Variants in CA10 observed in about 807,000 individuals in gnomAD.
The protein encoded by CA10 is carbonic anhydrase-related protein 10.
Under a neutral mutation model 44.2 loss-of-function variants are expected in CA10, and 14 were observed. The observed-to-expected ratio is 0.32, with a 90% CI of 0.21 to 0.50. The LOEUF is 0.50. Among genes scored for constraint, CA10 ranks in the 20% least tolerant of loss-of-function variants. CA10 has a pLI of 0.99. For missense variants in CA10, 350 were observed against 409.7 expected (o/e 0.85, Z 1.26); for synonymous variants, 159 against 141.6 (o/e 1.12, Z -0.87).
At chr17:51,740,287 C>G (rs959785363) in intron 4 of CA10, among the ~76,000 whole-genome samples, 3 of 152,144 alleles carry the variant, frequency 2.0e-5, no homozygotes, top group African/African-American at 7.2e-5. Context: ...AAGACAGGAT[C>G]CTCTACTATA....
chr17:51,912,402 A>G (rs1434413325), intron 3 of CA10, among the ~76,000 whole-genome samples: 1 of 152,182 alleles, frequency 6.6e-6, no homozygotes, highest in Non-Finnish European at 1.5e-5. Flanking sequence ...GTCCAAGTGC[A>G]TTCCTTGTTT....
intron 3 of CA10, among the ~76,000 whole-genome samples, chr17:51,759,834 G>C (rs766634184): frequency 6.6e-6 from 1 of 152,046 alleles, no homozygotes. Context: ...CTCCCTTCGT[G>C]CCTTAAGGAA....
chr17:51,749,693 C>T (rs368277475), intron 3 of CA10, among the ~76,000 whole-genome samples: 7 of 152,304 alleles, frequency 4.6e-5, no homozygotes, highest in Admixed American at 2.0e-4. Flanking sequence ...AGAAACTCTC[C>T]GTTGAGTTCC....
chr17:52,023,072 T>G lies in CA10; in HGVS notation c.136+49247A>C, dbSNP rs118123014. Reference sequence around the variant, plus strand: ...AGATTTGATGTTATTCCTTGCAAACTGCCAATGTCTTTTTTCACAGAATTG... The same window carrying G: ...AGATTTGATGTTATTCCTTGCAAACGGCCAATGTCTTTTTTCACAGAATTG... On this transcript the variant is annotated intron_variant, in intron 2 of 8. Coordinates refer to ENST00000451037, the MANE Select transcript of CA10 (RefSeq NM_020178.5). 3.9e-4 allele frequency among the ~76,000 whole-genome samples: 59 copies of G among 152,260 alleles called. No individual in the cohort carries two copies. In the East Asian group the frequency reaches 9.5e-3, roughly 24 times the overall value.
At chr17:51,757,988 G>A (rs1018392356) in intron 3 of CA10, among the ~76,000 whole-genome samples, 1 of 152,158 alleles carries the variant, frequency 6.6e-6, no homozygotes, top group Admixed American at 6.5e-5. Flanking sequence ...CCAGACTGGA[G>A]CGATCTGCTT....
intron 1 of CA10, among the ~76,000 whole-genome samples, chr17:52,143,490 T>C (rs1224360730): frequency 6.6e-6 from 1 of 152,192 alleles, no homozygotes; most frequent in South Asian, 2.1e-4. Flanking sequence ...TTTTAAAATA[T>C]AATCATGTGA....
At chr17:51,748,417 C>T (rs182495758) in intron 3 of CA10, 1 of 934,544 alleles carries the variant, frequency 1.1e-6, no homozygotes, top group Non-Finnish European at 1.3e-6. Context: ...TCATAGATTC[C>T]TAGACTTACT....
intron 4 of CA10, among the ~76,000 whole-genome samples, chr17:51,721,273 G>A (rs902469792): frequency 6.6e-6 from 1 of 152,070 alleles, no homozygotes; most frequent in Non-Finnish European, 1.5e-5. Context: ...TGGAGGTTGC[G>A]GTGAACTGAG....
chr17:51,637,597 C>A (rs1912888248), intron 6 of CA10, among the ~76,000 whole-genome samples: 1 of 152,198 alleles, frequency 6.6e-6, no homozygotes, highest in Admixed American at 6.5e-5. Context: ...GTTGAGGGAA[C>A]CTCTTCAGTT....
chr17:51,846,417 A>G (rs1433727177), intron 3 of CA10, among the ~76,000 whole-genome samples: 1 of 152,234 alleles, frequency 6.6e-6, no homozygotes, highest in Non-Finnish European at 1.5e-5. Flanking sequence ...GCCTATGGTC[A>G]GAAATGCCAG....
At chr17:52,104,716 A>G (rs1433609493) in intron 1 of CA10, among the ~76,000 whole-genome samples, 1 of 152,154 alleles carries the variant, frequency 6.6e-6, no homozygotes, top group African/African-American at 2.4e-5. Flanking sequence ...CACTGAGGGT[A>G]CTGACTTAAA....
chr17:51,831,340 T>A (rs1019125323), intron 3 of CA10, among the ~76,000 whole-genome samples: 54 of 152,226 alleles, frequency 3.5e-4, no homozygotes, highest in African/African-American at 1.2e-3. Flanking sequence ...TGGAAGCTGT[T>A]TGCAGTTCAG....
chr17:51,975,228 A>G (rs913066304), intron 2 of CA10, among the ~76,000 whole-genome samples: 4 of 152,230 alleles, frequency 2.6e-5, no homozygotes, highest in African/African-American at 4.8e-5. Context: ...GAGCAAACAG[A>G]ACAAATAGAA....
intron 6 of CA10, among the ~76,000 whole-genome samples, chr17:51,640,534 A>T (rs570214982): frequency 6.6e-6 from 1 of 152,328 alleles, no homozygotes; most frequent in African/African-American, 2.4e-5. Flanking sequence ...ATGACTCATC[A>T]TGCTGCCTCA....
chr17:51,939,468 A>G (rs1232980627), intron 2 of CA10, among the ~76,000 whole-genome samples: 1 of 152,122 alleles, frequency 6.6e-6, no homozygotes, highest in Non-Finnish European at 1.5e-5. Context: ...GCTTTATTTT[A>G]ATAGATGCTG....
chr17:51,871,095 G>C (rs1445806064), intron 3 of CA10, among the ~76,000 whole-genome samples: 1 of 114,208 alleles, frequency 8.8e-6, no homozygotes, highest in Non-Finnish European at 1.6e-5. Context: ...GTCTTGCTCT[G>C]TCACTCAGGG....
At chr17:51,910,864 T>C (rs1320877911) in intron 3 of CA10, among the ~76,000 whole-genome samples, 1 of 152,190 alleles carries the variant, frequency 6.6e-6, no homozygotes, top group Non-Finnish European at 1.5e-5. Context: ...AAAATGAATC[T>C]TAAATGTGTT....
At chr17:51,791,189 C>T (rs1906505215) in intron 3 of CA10, among the ~76,000 whole-genome samples, 1 of 152,150 alleles carries the variant, frequency 6.6e-6, no homozygotes, top group Admixed American at 6.5e-5. Context: ...CCACATACCT[C>T]CTAGTAAATA....
intron 3 of CA10, among the ~76,000 whole-genome samples, chr17:51,878,829 C>CATATAT (rs61340613): frequency 8.1e-5 from 3 of 37,104 alleles, no homozygotes; most frequent in Admixed American, 3.3e-4. Flanking sequence ...TTTTCATGTT[C>CATATAT]ATATATATAT....
Sources: allele counts gnomAD v4.1 joint callset (sites outside exome capture counted in the v4.1 genomes callset), GRCh38; gene constraint gnomAD v4.1.1; transcripts MANE v1.5; gene names NCBI Gene and HGNC (gene_info 2026-07-23, HGNC 2026-07-21).